The following PCDHGA3 variants were observed in gnomAD, a reference collection of about 807,000 sequenced individuals.
PCDHGA3 encodes the protein protocadherin gamma subfamily A, 3.
A neutral mutation model predicts 58.5 loss-of-function variants in PCDHGA3; 40 were observed. That is an observed-to-expected ratio of 0.68 (90% CI 0.53 to 0.89). The LOEUF (loss-of-function observed/expected upper bound fraction) is 0.89, where lower values mean the gene tolerates loss of function less well. Among genes scored for constraint, PCDHGA3 ranks in the 40% least tolerant of loss-of-function variants. The pLI is 0.00. For synonymous variants in PCDHGA3, 530 were observed against 525.7 expected (o/e 1.01, Z -0.11); for missense variants, 1,223 against 1,195.9 (o/e 1.02, Z -0.33).
chr5:141,509,900 C>T (rs2099878860), intron 3 of PCDHGA3, among the ~76,000 whole-genome samples: 1 of 152,186 alleles, frequency 6.6e-6, no homozygotes, highest in Admixed American at 6.5e-5. Context: ...CTGTCCCTTC[C>T]AGCATGCGCT....
chr5:141,388,404 C>T, intron 1 of PCDHGA3: 1 of 1,613,952 alleles, frequency 6.2e-7, no homozygotes, highest in Non-Finnish European at 8.5e-7. Context: ...CCAACTCAGT[C>T]CCAGTGATCA....
intron 1 of PCDHGA3, chr5:141,398,834 A>T: frequency 6.2e-7 from 1 of 1,614,014 alleles, no homozygotes; most frequent in Non-Finnish European, 8.5e-7. Context: ...ACCGACGCCA[A>T]TGATAATCCC....
At chr5:141,374,365 G>T (rs1180030505) in intron 1 of PCDHGA3, 2 of 1,614,054 alleles carry the variant, frequency 1.2e-6, no homozygotes, top group South Asian at 1.1e-5. Flanking sequence ...ACCGCGAGGA[G>T]CTCTGTGCTC....
At chr5:141,422,488 A>G in intron 1 of PCDHGA3, 1 of 1,614,000 alleles carries the variant, frequency 6.2e-7, no homozygotes, top group Non-Finnish European at 8.5e-7. Context: ...GAGCTACAAT[A>G]TAACGTTGAC....
chr5:141,465,629 C>A (rs1048373153), intron 1 of PCDHGA3, among the ~76,000 whole-genome samples: 1 of 152,204 alleles, frequency 6.6e-6, no homozygotes, highest in Non-Finnish European at 1.5e-5. Flanking sequence ...AGTCAACCAG[C>A]AAAATGCTTT....
chr5:141,403,217 A>G (rs763517467), intron 1 of PCDHGA3: 10 of 1,613,810 alleles, frequency 6.2e-6, no homozygotes, highest in East Asian at 2.2e-5. Context: ...CACCGCGGGT[A>G]GGATAGACCG....
At chr5:141,394,109 G>A (rs764779834) in intron 1 of PCDHGA3, 3 of 1,613,898 alleles carry the variant, frequency 1.9e-6, no homozygotes, top group East Asian at 4.5e-5. Flanking sequence ...CACCACCTCT[G>A]TCCACTGAAA....
At chr5:141,461,607 A>C (rs74634930) in intron 1 of PCDHGA3, among the ~76,000 whole-genome samples, 8,353 of 152,212 alleles carry the variant, frequency 0.055, 473 homozygotes, top group African/African-American at 0.15. Flanking sequence ...AATTTAGTTC[A>C]AAGTATTTTC....
chr5:141,440,103 A>G (rs1391819927), intron 1 of PCDHGA3: 1 of 152,222 alleles, frequency 6.6e-6, no homozygotes, highest in Non-Finnish European at 1.5e-5. Flanking sequence ...GAAAGTGGAG[A>G]CTTACTTGTG....
chr5:141,378,375 T>C (rs2150126691), intron 1 of PCDHGA3: 1 of 152,224 alleles, frequency 6.6e-6, no homozygotes, highest in African/African-American at 2.4e-5. Context: ...ATACAAAAAT[T>C]AGCCAGGTGG....
intron 1 of PCDHGA3, chr5:141,352,094 C>A (rs775660078): frequency 3.1e-6 from 5 of 1,605,478 alleles, no homozygotes; most frequent in Admixed American, 3.4e-5. Context: ...CGAGCCCGGG[C>A]TCTTCAGCCT....
In PCDHGA3 at chr5:141,412,947, C is replaced by T. The variant is rs930035804; in HGVS notation, c.2424+66490C>T. On this transcript the variant is annotated intron_variant, in intron 1 of 3. Coordinates refer to ENST00000253812, the MANE Select transcript of PCDHGA3 (RefSeq NM_018916.4). ...AGTAACTTCTTAGGACTCTGAGCGC[C>T]GCTGTTCACCTACTAGGAGAGAAAA... is the stretch of plus-strand genomic sequence containing the variant. The T allele has an allele frequency of 2.3e-5, 11 of 475,008 alleles. No individual in the cohort carries two copies. The Middle Eastern group carries it at 2.2e-3, about 94-fold the overall frequency. 29.4% of individuals were successfully genotyped at this position (475,008 alleles called of 1,614,324 possible). A position where few individuals can be genotyped will look rare whatever the true frequency, so the allele number is the denominator to read the frequency against.
intron 1 of PCDHGA3, chr5:141,356,663 C>G (rs1181592244): frequency 6.2e-7 from 1 of 1,614,054 alleles, no homozygotes; most frequent in Admixed American, 1.7e-5. Context: ...GCCCGAATCA[C>G]TTACTCCCTG....
At chr5:141,430,567 A>G in intron 1 of PCDHGA3, 1 of 434,308 alleles carries the variant, frequency 2.3e-6, no homozygotes, top group Non-Finnish European at 3.9e-6. Context: ...GGGGAGAGAA[A>G]AGCGGAGATC....
intron 1 of PCDHGA3, chr5:141,413,123 AAACACAC>A (rs2095606041): frequency 2.0e-6 from 3 of 1,526,818 alleles, no homozygotes; most frequent in Middle Eastern, 3.6e-4. Context: ...GAACCGGTTG[AAACACAC>A]AACGTGTCCA....
At chr5:141,449,273 C>T (rs1168190907) in intron 1 of PCDHGA3, among the ~76,000 whole-genome samples, 1 of 151,982 alleles carries the variant, frequency 6.6e-6, no homozygotes, top group Non-Finnish European at 1.5e-5. Flanking sequence ...ACTGTATCTC[C>T]TTCACCCGGA....
At chr5:141,418,740 TG>T in intron 1 of PCDHGA3, 1 of 1,613,972 alleles carries the variant, frequency 6.2e-7, no homozygotes, top group Non-Finnish European at 8.5e-7. Context: ...GTGTTCTCTC[TG>T]GATTACACTA....
intron 1 of PCDHGA3, chr5:141,378,871 A>G (rs1775219585): frequency 1.3e-5 from 2 of 152,236 alleles, no homozygotes; most frequent in East Asian, 3.9e-4. Flanking sequence ...TCGAATAGAA[A>G]ATGGATCACT....
chr5:141,436,095 GA>G (rs2097795730), intron 1 of PCDHGA3, among the ~76,000 whole-genome samples: 2 of 152,112 alleles, frequency 1.3e-5, no homozygotes, highest in Non-Finnish European at 2.9e-5. Context: ...AATATTGAGA[GA>G]AATAGAGGAC....
Sources: gnomAD v4.1 joint callset for allele counts (sites outside exome capture counted in the v4.1 genomes callset) on GRCh38, gnomAD v4.1.1 for gene constraint, MANE v1.5 for transcripts, NCBI Gene and HGNC (gene_info 2026-07-23, HGNC 2026-07-21) for gene names.